IQGAP3: variants seen among roughly 807,000 people sequenced by gnomAD.
IQGAP3 encodes ras GTPase-activating-like protein IQGAP3.
IQGAP3 carries 165 observed loss-of-function variants against 208.2 expected under a neutral mutation model. That is an observed-to-expected ratio of 0.79 (90% CI 0.70 to 0.90). The LOEUF is 0.90. Ranked by LOEUF, IQGAP3 falls within the 40% of genes least tolerant of loss-of-function variation. The pLI is 0.00. For missense variants in IQGAP3, 1,811 were observed against 2,043.1 expected, an observed-to-expected ratio of 0.89 and a Z score of 2.19; for synonymous variants, 703 against 803.6, an observed-to-expected ratio of 0.87 and a Z score of 2.12.
chr1:156,534,192 C>T, intron 29 of IQGAP3, 51 bp from the exon 30 acceptor site: 3 of 1,606,558 alleles, frequency 1.9e-6, no homozygotes, highest in East Asian at 2.2e-5. Flanking sequence ...GCACCCCACA[C>T]ATCTTCTGTC....
At chr1:156,571,052 CT>C (rs1676623948) in intron 1 of IQGAP3, among the ~76,000 whole-genome samples, 1 of 152,224 alleles carries the variant, frequency 6.6e-6, no homozygotes, top group African/African-American at 2.4e-5. Flanking sequence ...GGTATCTTCA[CT>C]ATCCTTTTTG....
chr1:156,531,038 A>C, intron 33 of IQGAP3, 122 bp downstream of exon 33: 2 of 751,496 alleles, frequency 2.7e-6, no homozygotes, highest in Non-Finnish European at 4.8e-6. Flanking sequence ...ATTACTGGTG[A>C]GCACAGGTGT....
chr1:156,566,165 G>A, intron 3 of IQGAP3, 61 bp from the exon 4 acceptor site: 2 of 1,465,980 alleles, frequency 1.4e-6, no homozygotes, highest in Non-Finnish European at 1.9e-6. Context: ...TATGGGTAAA[G>A]CCCAGACTAC....
chr1:156,528,007 T>TC lies in IQGAP3; in HGVS notation c.4726dup (p.Glu1576GlyfsTer27), dbSNP rs765351916. ...CACACCCAGGAACTTGGCATTTACTTCAAACTTTCCTGCCTCATCTCCCGG... is the reference window on the plus strand; with the variant it reads ...CACACCCAGGAACTTGGCATTTACTTCCAAACTTTCCTGCCTCATCTCCCGG... On this transcript the variant is annotated frameshift_variant, in exon 37 of 38. Transcript: ENST00000361170. LOFTEE classifies it high-confidence loss of function. 3 of 1,613,976 alleles carry TC rather than the reference T, an allele frequency of 1.9e-6. No individual in the cohort carries two copies. The East Asian group carries it at 6.7e-5, about 36-fold the overall frequency.
In IQGAP3 at chr1:156,535,248, C is replaced by T. The variant is rs200486715; in HGVS notation, c.3423-1G>A. Reference sequence around the variant, plus strand: ...TTTGGCCACATATCGCATCCCATACCTGGGGACAAAGAAACAGGTGCGCGT... The same window carrying T: ...TTTGGCCACATATCGCATCCCATACTTGGGGACAAAGAAACAGGTGCGCGT... On this transcript the variant is annotated splice_acceptor_variant, in intron 27 of 37. Coordinates refer to ENST00000361170, the MANE Select transcript of IQGAP3 (RefSeq NM_178229.5). LOFTEE classifies it high-confidence loss of function. 75 of 1,607,954 alleles carry T rather than the reference C, an allele frequency of 4.7e-5. No homozygotes were observed. Among genetic ancestry groups the T allele is most frequent in the Non-Finnish European group, 6.4e-5 (75 of 1,176,066 alleles).
In IQGAP3 at chr1:156,532,244, G is replaced by A. The variant is rs920812525; in HGVS notation, c.4103+736C>T. On this transcript the variant is annotated intron_variant, in intron 32 of 37. Transcript: ENST00000361170. ...TCTACTAAAAATACAAAAATTGGCC[G>A]GACATGATGGCGAGCACCTGTAGTC... Among the ~76,000 whole-genome samples, 18 of 151,930 alleles carry A rather than the reference G, an allele frequency of 1.2e-4. 1 individual carries two copies. The highest frequency in any genetic ancestry group is 4.2e-4 in the South Asian group (2 of 4,814).
At chr1:156,559,902 C>T (rs967331947) in intron 11 of IQGAP3, among the ~76,000 whole-genome samples, 3 of 152,170 alleles carry the variant, frequency 2.0e-5, no homozygotes, top group Non-Finnish European at 4.4e-5. Flanking sequence ...GAGATAAGAT[C>T]AGATCTGTGC....
chr1:156,537,312 T>C lies in IQGAP3; in HGVS notation c.3291A>G (p.Pro1097=), dbSNP rs572661483. ...AGGCCTGCTCCGGGGTGACATCATATGGGAGATGGCTATGAGCAGAGAGAG... is the reference window on the plus strand; with the variant it reads ...AGGCCTGCTCCGGGGTGACATCATACGGGAGATGGCTATGAGCAGAGAGAG... The part of the protein sequence containing the change: ...EAQTGQRSHL[P]YDVTPEQALS... The change falls in exon 27 of 38, where the codon CCA becomes CCG. Residue 1097 remains proline, a synonymous_variant. Coordinates refer to ENST00000361170, the MANE Select transcript of IQGAP3 (RefSeq NM_178229.5). The C allele has an allele frequency of 1.9e-6, 3 of 1,613,036 alleles. No homozygotes were observed. The highest frequency in any genetic ancestry group is 2.2e-5 in the South Asian group (2 of 90,962).
At position 156,544,027 on chromosome 1, in the gene IQGAP3, C is replaced by T. The variant is rs961487689; in HGVS notation, c.2484G>A (p.Gln828=). ...GGGCTTTCCTGGCTCGGAAAAATGC[C>T]TGGATCTTCACAATGGAGTTAACCT... ...QKNVNSIVKI[Q]AFFRARKAQD... is the part of the protein sequence containing the mutation. The change falls in exon 22 of 38, where the codon CAG becomes CAA. Residue 828 remains glutamine (Q), a synonymous_variant. Transcript: ENST00000361170. 1.9e-6 allele frequency: 3 copies of T among 1,614,084 alleles called. No individual in the cohort carries two copies. Among genetic ancestry groups the T allele is most frequent in the African/African-American group, 2.7e-5 (2 of 74,912 alleles).
Position 156,548,246 on chromosome 1 carries a change from G to A in IQGAP3, c.2134-3C>T. 6.2e-7 allele frequency: 1 copy of A among 1,613,228 alleles called. No homozygotes were observed. Among genetic ancestry groups the A allele is most frequent in the Non-Finnish European group, 8.5e-7 (1 of 1,179,278 alleles). On this transcript the variant is annotated splice_region_variant and splice_polypyrimidine_tract_variant and intron_variant, in intron 18 of 37. Transcript: ENST00000361170. The stretch of plus-strand genomic sequence containing the variant: ...GCAGTGACCTTGGTGACAGCTGACT[G>A]TGGAGGCAGGAGAGAGACGCTGTGG...
chr1:156,568,511 C>A (rs1676502930), intron 2 of IQGAP3, among the ~76,000 whole-genome samples: 1 of 152,186 alleles, frequency 6.6e-6, no homozygotes, highest in African/African-American at 2.4e-5. Context: ...GCCACAGCGC[C>A]CATCCAGGTT....
intron 16 of IQGAP3, among the ~76,000 whole-genome samples, chr1:156,549,376 C>A (rs1675430065): frequency 6.6e-6 from 1 of 151,626 alleles, no homozygotes; most frequent in Admixed American, 6.6e-5. Context: ...GAGGCTGAGG[C>A]CCAAGAATCG....
At chr1:156,532,828 C>A (rs190367995) in intron 32 of IQGAP3, 152 bp downstream of exon 32, 4 of 723,024 alleles carry the variant, frequency 5.5e-6, no homozygotes, top group Non-Finnish European at 6.7e-6. Flanking sequence ...AAGGCTGCAG[C>A]GAGGGGAATA....
intron 16 of IQGAP3, 95 bp from the exon 17 acceptor site, chr1:156,548,843 G>A (rs1675406055): frequency 7.9e-7 from 1 of 1,266,338 alleles, no homozygotes; most frequent in Non-Finnish European, 1.0e-6. Context: ...CATGAAAGAG[G>A]ACACAAAATC....
chr1:156,563,461 G>T (rs1235283142), intron 7 of IQGAP3, 92 bp downstream of exon 7: 4 of 1,336,330 alleles, frequency 3.0e-6, no homozygotes, highest in Non-Finnish European at 4.1e-6. Flanking sequence ...CTGTGGATGA[G>T]AGCTGGCCAG....
intron 26 of IQGAP3, 114 bp downstream of exon 26, chr1:156,538,695 C>A (rs1674825833): frequency 7.6e-6 from 6 of 793,270 alleles, no homozygotes; most frequent in African/African-American, 5.1e-5. Flanking sequence ...GATCAGCATG[C>A]CCATTTATAT....
rs767683631 is a variant in IQGAP3, at chr1:156,569,424, C to T, written c.77G>A (p.Arg26Gln). Residue 26 changes from arginine (R) to glutamine (Q), a missense_variant, in exon 2 of 38, where the codon CGG (arginine) becomes CAG (glutamine). By Grantham distance (43) the Arg-to-Gln change is conservative. Transcript: ENST00000361170. ...LTAEEMDEQR[R>Q]QNVAYQYLCR... ...CAGGTACTGATAGGCAACATTCTGC[C>T]GCCTCTGCTCATCCATCTCCTCAGC... 31 of 1,613,110 alleles carry T rather than the reference C, an allele frequency of 1.9e-5. No individual in the cohort carries two copies. The highest frequency in any genetic ancestry group is 3.3e-5 in the South Asian group (3 of 90,820).
Position 156,539,973 on chromosome 1 carries a change from G to A in IQGAP3, c.2757C>T (p.Cys919=), listed in dbSNP as rs781199766. The change falls in exon 24 of 38, where the codon TGC becomes TGT. Residue 919 remains cysteine, a synonymous_variant. Coordinates refer to ENST00000361170, the MANE Select transcript of IQGAP3 (RefSeq NM_178229.5). ...CCTTATTCCTCTTGGTCAGCTTCTTGCAGTGGGAGACCACTTCCTGCAGGG... is the reference window on the plus strand; with the variant it reads ...CCTTATTCCTCTTGGTCAGCTTCTTACAGTGGGAGACCACTTCCTGCAGGG... ...RITLQEVVSH[C]KKLTKRNKEQ... 1.9e-6 allele frequency: 3 copies of A among 1,613,934 alleles called. No individual in the cohort carries two copies. The East Asian group carries it at 6.7e-5, about 36-fold the overall frequency.
chr1:156,570,124 G>A (rs930579142), intron 1 of IQGAP3, among the ~76,000 whole-genome samples: 1 of 152,120 alleles, frequency 6.6e-6, no homozygotes, highest in Non-Finnish European at 1.5e-5. Context: ...TGTCATCCTC[G>A]TTGGTTACTC....
Sources: gnomAD v4.1 joint callset for allele counts (sites outside exome capture counted in the v4.1 genomes callset) on GRCh38, gnomAD v4.1.1 for gene constraint, MANE v1.5 for transcripts, NCBI Gene and HGNC (gene_info 2026-07-23, HGNC 2026-07-21) for gene names.